The following ST7 variants were observed in gnomAD, a reference collection of about 807,000 sequenced individuals.
ST7 encodes the protein suppression of tumorigenicity 7.
A neutral mutation model predicts 78.7 loss-of-function variants in ST7; 28 were observed. That is an observed-to-expected ratio of 0.36 (90% confidence interval 0.26 to 0.49). The LOEUF (loss-of-function observed/expected upper bound fraction) is 0.49, where lower values mean the gene tolerates loss of function less well. Ranked by LOEUF, ST7 falls within the 20% of genes least tolerant of loss-of-function variation. ST7 has a pLI of 0.99. For synonymous variants in ST7, 247 were observed against 249.6 expected, an observed-to-expected ratio of 0.99 and a Z score of 0.10; for missense variants, 418 against 696.0, an observed-to-expected ratio of 0.60 and a Z score of 4.49.
At chr7:117,137,913 C>G (rs1804927733) in intron 8 of ST7, among the ~76,000 whole-genome samples, 1 of 152,100 alleles carries the variant, frequency 6.6e-6, no homozygotes, top group African/African-American at 2.4e-5. Flanking sequence ...GTTGCATACT[C>G]TATTGTCATA....
chr7:117,100,911 A>T (rs1801521539), intron 2 of ST7, among the ~76,000 whole-genome samples: 1 of 152,186 alleles, frequency 6.6e-6, no homozygotes, highest in Admixed American at 6.5e-5. Context: ...GCATAAGAAA[A>T]ATTTTACAGA....
chr7:117,107,201 C>T (rs578053279), intron 2 of ST7, among the ~76,000 whole-genome samples: 15 of 152,158 alleles, frequency 9.9e-5, no homozygotes, highest in Admixed American at 9.8e-4. Context: ...CATATTTTTG[C>T]TATTGCAAAT....
chr7:117,190,815 T>C lies in ST7; in HGVS notation c.1152-19T>C, dbSNP rs374513086. 2 of 1,612,102 alleles carry C rather than the reference T, an allele frequency of 1.2e-6. No individual in the cohort carries two copies. Among genetic ancestry groups the C allele is most frequent in the East Asian group, 2.2e-5 (1 of 44,844 alleles). ...AGCAGTGGTCCCACCTGGATGGTTTTTGTCTTTCTGCTTTTCAGATTCTCT... is the reference window on the plus strand; with the variant it reads ...AGCAGTGGTCCCACCTGGATGGTTTCTGTCTTTCTGCTTTTCAGATTCTCT... On this transcript the variant is annotated intron_variant, in intron 11 of 15. Coordinates refer to ENST00000323984, the MANE Select transcript of ST7 (RefSeq NM_001369598.1). This position sits in a 1 kb window ranked among gnomAD's most constrained non-coding sequence, Gnocchi z 5.2.
chr7:117,080,298 C>T lies in ST7; in HGVS notation c.152-19464C>T, dbSNP rs1030552110. Among the ~76,000 whole-genome samples the T allele has an allele frequency of 7.9e-5, 12 of 152,170 alleles. No homozygotes were observed. The East Asian group carries it at 1.7e-3, about 22-fold the overall frequency. On this transcript the variant is annotated intron_variant, in intron 1 of 15. Transcript: ENST00000323984. ...TTTGTGTACCTATACAGATAGCTAA[C>T]GTATCATCTATACACTTTAAACAAA...
chr7:117,052,376 C>T (rs1437716967), intron 1 of ST7, among the ~76,000 whole-genome samples: 1 of 152,122 alleles, frequency 6.6e-6, no homozygotes. Context: ...TTTCTCTATG[C>T]ACCACCAGAA....
At chr7:117,067,487 C>G (rs1434963279) in intron 1 of ST7, among the ~76,000 whole-genome samples, 1 of 151,908 alleles carries the variant, frequency 6.6e-6, no homozygotes, top group Non-Finnish European at 1.5e-5. Context: ...AGCCAGGGAG[C>G]AGGGTGGGTA....
chr7:117,137,726 G>T (rs963415626), intron 8 of ST7, among the ~76,000 whole-genome samples: 1 of 151,966 alleles, frequency 6.6e-6, no homozygotes, highest in Non-Finnish European at 1.5e-5. Context: ...TTTTATCGAG[G>T]ATTAAGCACA....
chr7:117,052,289 A>C (rs1355009120), intron 1 of ST7, among the ~76,000 whole-genome samples: 4 of 152,096 alleles, frequency 2.6e-5, no homozygotes, highest in Non-Finnish European at 4.4e-5. Flanking sequence ...TTCCTCCAGG[A>C]CCTGTTGTAC....
At chr7:117,031,223 A>G (rs930139828) in intron 1 of ST7, among the ~76,000 whole-genome samples, 1 of 152,018 alleles carries the variant, frequency 6.6e-6, no homozygotes, top group Admixed American at 6.6e-5. Flanking sequence ...GTTCAGAAAA[A>G]AAAAACCCAC....
intron 1 of ST7, among the ~76,000 whole-genome samples, chr7:117,002,270 A>G (rs1794966962): frequency 6.6e-6 from 1 of 151,946 alleles, no homozygotes; most frequent in Non-Finnish European, 1.5e-5. Context: ...TATTTTATAT[A>G]TTTTTTAGAG....
At chr7:117,070,309 C>A (rs1798860894) in intron 1 of ST7, among the ~76,000 whole-genome samples, 1 of 152,122 alleles carries the variant, frequency 6.6e-6, no homozygotes, top group South Asian at 2.1e-4. Flanking sequence ...TCTTCAGGCC[C>A]ATTTCTCATC....
At chr7:116,981,030 G>C (rs1040425849) in intron 1 of ST7, among the ~76,000 whole-genome samples, 1 of 151,996 alleles carries the variant, frequency 6.6e-6, no homozygotes, top group Non-Finnish European at 1.5e-5. Context: ...CTTAACTTTA[G>C]TGACCTTGAC....
At chr7:117,140,452 AATAAG>A (rs1354699330) in intron 9 of ST7, among the ~76,000 whole-genome samples, 1 of 152,166 alleles carries the variant, frequency 6.6e-6, no homozygotes, top group African/African-American at 2.4e-5. Flanking sequence ...GGGAGAATTA[AATAAG>A]ATAATGTGAA....
At chr7:117,184,762 T>TA (rs780129330) in intron 10 of ST7, among the ~76,000 whole-genome samples, 21 of 152,198 alleles carry the variant, frequency 1.4e-4, no homozygotes, top group Admixed American at 8.5e-4. Context: ...TGATTTTATG[T>TA]AAAAAATGGT....
At chr7:117,203,961 A>G (rs1811101632) in intron 12 of ST7, among the ~76,000 whole-genome samples, 1 of 152,210 alleles carries the variant, frequency 6.6e-6, no homozygotes, top group South Asian at 2.1e-4. Context: ...GAAGCAAAGT[A>G]ACCGATGAAC....
intron 10 of ST7, 124 bp downstream of exon 10, chr7:117,171,100 A>T: frequency 2.0e-6 from 1 of 489,642 alleles, no homozygotes; most frequent in Non-Finnish European, 3.5e-6. Flanking sequence ...TAGAATTTTC[A>T]CCTACAGTTT....
At chr7:117,224,226 A>G (rs1388108746) in intron 15 of ST7, among the ~76,000 whole-genome samples, 3 of 152,220 alleles carry the variant, frequency 2.0e-5, no homozygotes, top group Non-Finnish European at 4.4e-5. Flanking sequence ...TACACCAAGC[A>G]GCCCTCCTTC....
At chr7:117,106,091 C>T (rs576666329) in intron 2 of ST7, among the ~76,000 whole-genome samples, 60 of 152,182 alleles carry the variant, frequency 3.9e-4, no homozygotes, top group African/African-American at 1.3e-3. Flanking sequence ...CTCCGCTTCC[C>T]GGGTTCACGC....
Position 117,119,625 on chromosome 7 carries a change from A to G in ST7, c.299A>G (p.His100Arg). ...TTCATTGAACAAGTCTCAGTAAGCC[A>G]CTTGCGCCCCCTTCTGGGAGGGGTT... ...TSFIEQVSVS[H>R]LRPLLGGVDN... Residue 100 changes from histidine (H) to arginine (R), a missense_variant, in exon 3 of 16, where the codon CAC becomes CGC. By Grantham distance (29) the His-to-Arg change is conservative. Transcript: ENST00000323984. 6.2e-7 allele frequency: 1 copy of G among 1,613,954 alleles called. No homozygotes were observed. The highest frequency in any genetic ancestry group is 1.1e-5 in the South Asian group (1 of 91,002).
Sources: gnomAD v4.1 joint callset for allele counts (sites outside exome capture counted in the v4.1 genomes callset) on GRCh38, gnomAD v4.1.1 for gene constraint, Gnocchi (gnomAD v3.1) non-coding constraint, MANE v1.5 for transcripts, NCBI Gene and HGNC (gene_info 2026-07-23, HGNC 2026-07-21) for gene names.